EXOC4: variants seen among roughly 807,000 people sequenced by gnomAD.
EXOC4 encodes SEC8-like 1.
In EXOC4, 71 loss-of-function variants were observed where a neutral mutation model predicts 107.2. The ratio of observed to expected loss-of-function variants is 0.66; its 90% confidence interval spans 0.55 to 0.81. The LOEUF (loss-of-function observed/expected upper bound fraction) is 0.81, where lower values mean the gene tolerates loss of function less well. EXOC4 is among the 30% of genes least tolerant of loss of function. The probability of loss-of-function intolerance (pLI) is 0.00; values close to 1 mark genes in which losing one functional copy is unlikely to be tolerated. For missense variants in EXOC4, 1,108 were observed against 1,189.6 expected, an observed-to-expected ratio of 0.93 and a Z score of 1.01; for synonymous variants, 456 against 441.2, an observed-to-expected ratio of 1.03 and a Z score of -0.42.
At chr7:133,894,509 G>A (rs1327214621) in intron 11 of EXOC4, among the ~76,000 whole-genome samples, 4 of 101,538 alleles carry the variant, frequency 3.9e-5, no homozygotes, top group East Asian at 2.6e-4. Flanking sequence ...GGCGCTCTGC[G>A]TTTTAGAGTT....
chr7:133,670,581 G>A (rs755358376), intron 10 of EXOC4, among the ~76,000 whole-genome samples: 20 of 152,074 alleles, frequency 1.3e-4, no homozygotes, highest in African/African-American at 4.3e-4. Flanking sequence ...TCCTAGATGC[G>A]CTAATTGTGT....
At chr7:134,022,930 T>A (rs1329464785) in intron 17 of EXOC4, among the ~76,000 whole-genome samples, 2 of 152,264 alleles carry the variant, frequency 1.3e-5, no homozygotes, top group Admixed American at 6.5e-5. Context: ...CAGTGAAGTA[T>A]CCTTAGTCTG....
At chr7:133,794,069 C>G (rs1317400573) in intron 10 of EXOC4, among the ~76,000 whole-genome samples, 2 of 152,092 alleles carry the variant, frequency 1.3e-5, no homozygotes, top group Admixed American at 6.5e-5. Context: ...ACAGTGAGAA[C>G]TGATTGAAGA....
At chr7:133,428,457 T>C (rs1267481440) in intron 7 of EXOC4, among the ~76,000 whole-genome samples, 1 of 152,194 alleles carries the variant, frequency 6.6e-6, no homozygotes, top group African/African-American at 2.4e-5. Flanking sequence ...CTTAGAGTGA[T>C]CAGGAAGAAG....
intron 5 of EXOC4, among the ~76,000 whole-genome samples, chr7:133,325,886 T>TA (rs1156528410): frequency 1.3e-5 from 2 of 152,214 alleles, no homozygotes. Flanking sequence ...CATAGTCCCA[T>TA]ATTTCTTGGA....
At chr7:133,303,394 A>G (rs1389412986) in intron 3 of EXOC4, among the ~76,000 whole-genome samples, 2 of 152,236 alleles carry the variant, frequency 1.3e-5, no homozygotes, top group Non-Finnish European at 2.9e-5. Context: ...TGATTGTGCC[A>G]TTGCACTCTA....
intron 10 of EXOC4, among the ~76,000 whole-genome samples, chr7:133,722,416 A>G (rs1390692046): frequency 1.3e-5 from 2 of 152,206 alleles, no homozygotes; most frequent in African/African-American, 4.8e-5. Flanking sequence ...TCTCCTTTAG[A>G]AATCAAGATT....
chr7:133,613,517 G>A (rs1247001065), intron 9 of EXOC4, among the ~76,000 whole-genome samples: 3 of 151,936 alleles, frequency 2.0e-5, no homozygotes, highest in African/African-American at 7.3e-5. Flanking sequence ...AATACTGTAA[G>A]CTTTGAATAA....
chr7:133,825,674 A>G (rs185086600), intron 11 of EXOC4, among the ~76,000 whole-genome samples: 3 of 152,310 alleles, frequency 2.0e-5, no homozygotes, highest in Admixed American at 1.3e-4. Flanking sequence ...TTATGTTCAT[A>G]TGAAGAATGT....
chr7:133,713,449 A>G (rs769666455), intron 10 of EXOC4, among the ~76,000 whole-genome samples: 1 of 152,206 alleles, frequency 6.6e-6, no homozygotes, highest in Non-Finnish European at 1.5e-5. Context: ...TGCTATAGGC[A>G]TTATGTTAGT....
intron 10 of EXOC4, among the ~76,000 whole-genome samples, chr7:133,674,625 T>C (rs1794017023): frequency 6.6e-6 from 1 of 152,218 alleles, no homozygotes; most frequent in Admixed American, 6.5e-5. Context: ...ATGAATGTTT[T>C]CTGCATATTT....
Position 133,331,308 on chromosome 7 carries a change from G to A in EXOC4, c.763+13918G>A, listed in dbSNP as rs1265533031. 3.3e-5 allele frequency among the ~76,000 whole-genome samples: 5 copies of A among 152,116 alleles called. No individual in the cohort carries two copies. The East Asian group carries it at 9.6e-4, about 29-fold the overall frequency. On this transcript the variant is annotated intron_variant, in intron 5 of 17. Coordinates refer to ENST00000253861, the MANE Select transcript of EXOC4 (RefSeq NM_021807.4). ...TTATCTGATGGAGATTAAGTATCTAGAATATGTAAAGAATCTCTATAAATC... is the reference window on the plus strand; with the variant it reads ...TTATCTGATGGAGATTAAGTATCTAAAATATGTAAAGAATCTCTATAAATC...
intron 11 of EXOC4, among the ~76,000 whole-genome samples, chr7:133,825,615 C>G (rs573986343): frequency 6.6e-6 from 1 of 152,248 alleles, no homozygotes; most frequent in South Asian, 2.1e-4. Flanking sequence ...TCTGGTTTCC[C>G]GAGGAAGTGT....
chr7:133,920,332 C>G (rs1050883982), intron 13 of EXOC4, among the ~76,000 whole-genome samples: 1 of 152,074 alleles, frequency 6.6e-6, no homozygotes, highest in Non-Finnish European at 1.5e-5. Flanking sequence ...TGTAGTTTGC[C>G]CTTTCATTCT....
chr7:133,636,232 T>A (rs1350462885), intron 10 of EXOC4, among the ~76,000 whole-genome samples: 1 of 5,876 alleles, frequency 1.7e-4, no homozygotes, highest in African/African-American at 1.9e-4. Flanking sequence ...ATACCTCATT[T>A]CTTTCAGAAA....
At chr7:133,688,199 A>C (rs2151074744) in intron 10 of EXOC4, among the ~76,000 whole-genome samples, 1 of 152,284 alleles carries the variant, frequency 6.6e-6, no homozygotes, top group Middle Eastern at 3.4e-3. Flanking sequence ...TAAGTTTTAT[A>C]GCGTGATAGG....
intron 13 of EXOC4, among the ~76,000 whole-genome samples, chr7:133,937,435 C>G (rs1359765714): frequency 1.3e-5 from 2 of 152,180 alleles, no homozygotes; most frequent in Non-Finnish European, 2.9e-5. Context: ...GCTGGATCGT[C>G]TTTGCTTTTG....
intron 1 of EXOC4, among the ~76,000 whole-genome samples, chr7:133,273,994 A>G (rs983867097): frequency 1.3e-5 from 2 of 152,216 alleles, no homozygotes; most frequent in African/African-American, 4.8e-5. Flanking sequence ...TTTGTTACTG[A>G]TTATAATACT....
intron 14 of EXOC4, among the ~76,000 whole-genome samples, chr7:133,943,869 T>C (rs1800488633): frequency 1.3e-5 from 2 of 152,188 alleles, no homozygotes; most frequent in African/African-American, 4.8e-5. Context: ...CCTTTTCCAG[T>C]CATTGTGCTT....
Sources: gnomAD v4.1 joint callset for allele counts (sites outside exome capture counted in the v4.1 genomes callset) on GRCh38, gnomAD v4.1.1 for gene constraint, MANE v1.5 for transcripts, NCBI Gene and HGNC (gene_info 2026-07-23, HGNC 2026-07-21) for gene names.